Variants in FARP1 observed in about 807,000 individuals in gnomAD.
FARP1 encodes the protein FERM, ARHGEF and pleckstrin domain-containing protein 1.
In FARP1, 52 loss-of-function variants were observed where a neutral mutation model predicts 128.8. That is an observed-to-expected ratio of 0.40 (90% confidence interval 0.32 to 0.51). The LOEUF (loss-of-function observed/expected upper bound fraction) is 0.51, where lower values mean the gene tolerates loss of function less well. Among genes scored for constraint, FARP1 ranks in the 20% least tolerant of loss-of-function variants. FARP1 has a pLI of 0.45. For synonymous variants in FARP1, 580 were observed against 551.8 expected (o/e 1.05, Z -0.72); for missense variants, 1,333 against 1,367.9 (o/e 0.97, Z 0.40).
At position 98,424,588 on chromosome 13, in the gene FARP1, G is replaced by T; in HGVS notation, c.1843G>T (p.Ala615Ser). 6.2e-7 allele frequency: 1 copy of T among 1,613,442 alleles called. No homozygotes were observed. Among genetic ancestry groups the T allele is most frequent in the Non-Finnish European group, 8.5e-7 (1 of 1,179,400 alleles). Reference sequence around the variant, plus strand: ...TGCTCTCAGGGAAGGCCGCTCAAATGCCCAAATCAGAGATTACCAAAGAAT... The same window carrying T: ...TGCTCTCAGGGAAGGCCGCTCAAATTCCCAAATCAGAGATTACCAAAGAAT... ...RLALWEGRSN[A>S]QIRDYQRIGD... The change falls in exon 17 of 27, where the codon GCC becomes TCC. Residue 615 changes from alanine (A) to serine (S), a missense_variant. Coordinates refer to ENST00000319562, the MANE Select transcript of FARP1 (RefSeq NM_005766.4).
intron 1 of FARP1, among the ~76,000 whole-genome samples, chr13:98,192,508 G>C (rs1879302575): frequency 6.6e-6 from 1 of 152,028 alleles, no homozygotes; most frequent in African/African-American, 2.4e-5. Flanking sequence ...TCCTGCCTCA[G>C]CCTTTCGAGT....
At chr13:98,163,865 C>T (rs1485949151) in intron 1 of FARP1, among the ~76,000 whole-genome samples, 1 of 152,008 alleles carries the variant, frequency 6.6e-6, no homozygotes, top group Non-Finnish European at 1.5e-5. Context: ...CCCGCCACCA[C>T]GCCCAGCTAA....
chr13:98,153,866 T>G (rs1431872389), intron 1 of FARP1, among the ~76,000 whole-genome samples: 1 of 152,076 alleles, frequency 6.6e-6, no homozygotes, highest in East Asian at 1.9e-4. Context: ...CCTGTCCTTT[T>G]TTGAGTTTTA....
chr13:98,247,038 C>T (rs1037563566), intron 2 of FARP1, among the ~76,000 whole-genome samples: 2 of 152,218 alleles, frequency 1.3e-5, no homozygotes, highest in African/African-American at 4.8e-5. Flanking sequence ...CCCAGCCTGG[C>T]CAACATGGTG....
At chr13:98,279,402 C>T (rs1884824450) in intron 2 of FARP1, among the ~76,000 whole-genome samples, 1 of 152,062 alleles carries the variant, frequency 6.6e-6, no homozygotes, top group Non-Finnish European at 1.5e-5. Context: ...ATTTGCTCCC[C>T]CTTGCATATG....
At position 98,300,647 on chromosome 13, in the gene FARP1, C is replaced by T. The variant is rs545359082; in HGVS notation, c.172-43115C>T. On this transcript the variant is annotated intron_variant, in intron 2 of 26. Transcript: ENST00000319562. ...TGCAGGTGAAGCCACTTCTCTGCTC[C>T]GCCCAGCAGGGCCACCCTTCCCCGT... Among the ~76,000 whole-genome samples the T allele has an allele frequency of 4.6e-5, 7 of 152,324 alleles. No individual in the cohort carries two copies. The East Asian group carries it at 5.8e-4, about 13-fold the overall frequency.
At position 98,309,153 on chromosome 13, in the gene FARP1, C is replaced by CTTTTTTTTTTTTTTTTTTTTTTTTTTTT. The variant is rs56030081; in HGVS notation, c.172-34606_172-34579dup. The stretch of plus-strand genomic sequence containing the variant: ...TATATTAATATTAATTTTAAGAGGC[C>CTTTTTTTTTTTTTTTTTTTTTTTTTTTT]TTTTTTTTTTTTTTTTTTTTTTTTT... On this transcript the variant is annotated intron_variant, in intron 2 of 26. Coordinates refer to ENST00000319562, the MANE Select transcript of FARP1 (RefSeq NM_005766.4). Among the ~76,000 whole-genome samples the CTTTTTTTTTTTTTTTTTTTTTTTTTTTT allele has an allele frequency of 6.7e-5, 6 of 89,670 alleles. 3 individuals carry two copies. The highest frequency in any genetic ancestry group is 8.8e-5 in the African/African-American group (2 of 22,792). The allele number at this position is 89,670 out of a possible 152,430, so 58.8% of individuals were successfully genotyped here.
At chr13:98,264,681 CATTCTATAGTAAGA>C (rs1445415351) in intron 2 of FARP1, among the ~76,000 whole-genome samples, 2 of 152,152 alleles carry the variant, frequency 1.3e-5, no homozygotes, top group African/African-American at 4.8e-5. Context: ...GCCAAGAATG[CATTCTATAGTAAGA>C]ATTCTATAGT....
chr13:98,201,437 A>T (rs2139270929), intron 1 of FARP1, among the ~76,000 whole-genome samples: 1 of 152,346 alleles, frequency 6.6e-6, no homozygotes, highest in Middle Eastern at 3.4e-3. Context: ...TGACAGAGCG[A>T]GACCCTGCCT....
intron 19 of FARP1, among the ~76,000 whole-genome samples, chr13:98,437,095 A>G (rs1892300705): frequency 6.6e-6 from 1 of 152,216 alleles, no homozygotes; most frequent in African/African-American, 2.4e-5. Flanking sequence ...TGAAAATGAC[A>G]TAATACATAT....
chr13:98,260,020 T>A (rs1883798627), intron 2 of FARP1, among the ~76,000 whole-genome samples: 1 of 152,010 alleles, frequency 6.6e-6, no homozygotes, highest in African/African-American at 2.4e-5. Flanking sequence ...CTTTCCTTAT[T>A]TAACCCACTG....
chr13:98,290,320 C>T lies in FARP1; in HGVS notation c.172-53442C>T, dbSNP rs77823734. Among the ~76,000 whole-genome samples the T allele has an allele frequency of 1.4e-3, 212 of 152,060 alleles. 5 individuals carry two copies. The East Asian group carries it at 0.035, about 25-fold the overall frequency. On this transcript the variant is annotated intron_variant, in intron 2 of 26. Transcript: ENST00000319562. ...ATATACATGTTCATATTTTATAAAA[C>T]TTGTCAGACAGGCCTCTCTGAAAAA...
chr13:98,363,981 C>T (rs938082950), intron 3 of FARP1, among the ~76,000 whole-genome samples: 1 of 152,158 alleles, frequency 6.6e-6, no homozygotes, highest in Non-Finnish European at 1.5e-5. Context: ...ACCTTGTGAT[C>T]CACCTGCCTT....
intron 1 of FARP1, among the ~76,000 whole-genome samples, chr13:98,186,807 C>T (rs1204212657): frequency 2.0e-5 from 3 of 151,626 alleles, no homozygotes; most frequent in Admixed American, 6.6e-5. Context: ...GCCTGGCCAA[C>T]GTGGTGAAAC....
intron 2 of FARP1, among the ~76,000 whole-genome samples, chr13:98,261,445 C>CT (rs1883876089): frequency 6.6e-6 from 1 of 152,174 alleles, no homozygotes; most frequent in Non-Finnish European, 1.5e-5. Flanking sequence ...TACTCCCCTC[C>CT]TCCCTTCGTT....
At chr13:98,299,173 G>A (rs1222143581) in intron 2 of FARP1, among the ~76,000 whole-genome samples, 2 of 152,224 alleles carry the variant, frequency 1.3e-5, no homozygotes, top group Admixed American at 6.5e-5. Flanking sequence ...CATTTGAACC[G>A]ACAGCAACTA....
chr13:98,396,752 T>G (rs1418582360), intron 13 of FARP1: 2 of 348,416 alleles, frequency 5.7e-6, no homozygotes, highest in Non-Finnish European at 1.0e-5. Flanking sequence ...GGAGCTTGTT[T>G]ATTTTGCTGG....
At chr13:98,446,277 C>T (rs1450936868) in intron 25 of FARP1, 72 bp downstream of exon 25, 3 of 970,052 alleles carry the variant, frequency 3.1e-6, no homozygotes, top group African/African-American at 3.2e-5. Context: ...GGGCCGCCCT[C>T]CTCTGGAATG....
At chr13:98,427,449 G>A (rs1345435611) in intron 17 of FARP1, among the ~76,000 whole-genome samples, 3 of 152,188 alleles carry the variant, frequency 2.0e-5, no homozygotes, top group Non-Finnish European at 2.9e-5. Flanking sequence ...TTCAATCTGA[G>A]ATCACAGCTC....
Sources: gnomAD v4.1 joint callset for allele counts (sites outside exome capture counted in the v4.1 genomes callset) on GRCh38, gnomAD v4.1.1 for gene constraint, MANE v1.5 for transcripts, NCBI Gene and HGNC (gene_info 2026-07-23, HGNC 2026-07-21) for gene names.